BCAS1: variants seen among roughly 807,000 people sequenced by gnomAD.
BCAS1 encodes the protein breast carcinoma-amplified sequence 1.
In BCAS1, 46 loss-of-function variants were observed where a neutral mutation model predicts 65.4. The ratio of observed to expected loss-of-function variants is 0.70; its 90% confidence interval spans 0.55 to 0.90. The LOEUF (loss-of-function observed/expected upper bound fraction) is 0.90. Ranked by LOEUF, BCAS1 falls within the 40% of genes least tolerant of loss-of-function variation. The probability of loss-of-function intolerance (pLI) is 0.00; values close to 1 mark genes in which losing one functional copy is unlikely to be tolerated. For synonymous variants in BCAS1, 298 were observed against 293.5 expected (o/e 1.02, Z -0.16); for missense variants, 793 against 771.2 (o/e 1.03, Z -0.33).
intron 4 of BCAS1, among the ~76,000 whole-genome samples, chr20:53,996,495 G>T (rs1036159777): frequency 6.6e-5 from 9 of 137,018 alleles, no homozygotes; most frequent in South Asian, 2.4e-4. Flanking sequence ...AAAAGAAAAA[G>T]AAAAAGTACT....
At chr20:53,945,405 T>C (rs1041523303) in intron 12 of BCAS1, among the ~76,000 whole-genome samples, 4 of 87,932 alleles carry the variant, frequency 4.5e-5, no homozygotes, top group Non-Finnish European at 1.0e-4. Context: ...TATTTTCTTC[T>C]TTTTTTTTTA....
chr20:54,035,803 C>T (rs6068757), intron 3 of BCAS1, among the ~76,000 whole-genome samples: 1 of 151,194 alleles, frequency 6.6e-6, no homozygotes, highest in Non-Finnish European at 1.5e-5. Context: ...TGGAATCAAC[C>T]TAAATACCCA....
At chr20:54,026,234 G>T (rs2091669855) in intron 4 of BCAS1, among the ~76,000 whole-genome samples, 1 of 152,142 alleles carries the variant, frequency 6.6e-6, no homozygotes, top group Non-Finnish European at 1.5e-5. Flanking sequence ...TGCTATATTA[G>T]ATACCTGCCA....
At chr20:54,056,601 A>AT (rs369440236) in intron 3 of BCAS1, among the ~76,000 whole-genome samples, 38 of 151,856 alleles carry the variant, frequency 2.5e-4, no homozygotes, top group East Asian at 1.5e-3. Context: ...TAAAGCTATG[A>AT]TTTTTTTTTA....
intron 3 of BCAS1, among the ~76,000 whole-genome samples, chr20:54,039,102 A>T (rs1454262855): frequency 1.3e-5 from 2 of 151,572 alleles, no homozygotes; most frequent in South Asian, 4.2e-4. Flanking sequence ...TTCAATGGTC[A>T]TGCTGCAAGA....
At chr20:53,983,623 G>A (rs2090537957) in intron 8 of BCAS1, among the ~76,000 whole-genome samples, 1 of 152,200 alleles carries the variant, frequency 6.6e-6, no homozygotes, top group Non-Finnish European at 1.5e-5. Context: ...CACCTGTCAT[G>A]CCTTCAGCTT....
At chr20:53,958,227 A>T (rs961230661) in intron 10 of BCAS1, among the ~76,000 whole-genome samples, 13 of 152,216 alleles carry the variant, frequency 8.5e-5, no homozygotes, top group African/African-American at 3.1e-4. Flanking sequence ...CGCTCTCAGC[A>T]AGTTGGCCAT....
At chr20:54,059,466 C>G (rs1268518179) in intron 1 of BCAS1, among the ~76,000 whole-genome samples, 1 of 149,654 alleles carries the variant, frequency 6.7e-6, no homozygotes, top group East Asian at 2.0e-4. Flanking sequence ...ATTAATTCCC[C>G]TATTAAAACC....
chr20:53,960,469 TAAAAAAAAAAAAA>T (rs11467629), intron 10 of BCAS1, among the ~76,000 whole-genome samples: 6 of 63,090 alleles, frequency 9.5e-5, no homozygotes, highest in Non-Finnish European at 1.5e-4. Context: ...TTCAACTTCT[TAAAAAAAAAAAAA>T]AAAAAAAAAA....
At chr20:53,952,472 T>C (rs925570497) in intron 12 of BCAS1, among the ~76,000 whole-genome samples, 6 of 152,232 alleles carry the variant, frequency 3.9e-5, no homozygotes, top group Non-Finnish European at 5.9e-5. Flanking sequence ...CTATAGTCCA[T>C]GGAGTAACAC....
At chr20:54,020,338 A>G (rs2091529853) in intron 4 of BCAS1, among the ~76,000 whole-genome samples, 1 of 152,238 alleles carries the variant, frequency 6.6e-6, no homozygotes. Flanking sequence ...AATTGCAAAA[A>G]ACAATTTACT....
intron 4 of BCAS1, among the ~76,000 whole-genome samples, chr20:54,007,810 C>T (rs2091234119): frequency 6.6e-6 from 1 of 152,118 alleles, no homozygotes; most frequent in Admixed American, 6.5e-5. Flanking sequence ...TCCTGTTCCT[C>T]TCACCAAGGA....
intron 7 of BCAS1, among the ~76,000 whole-genome samples, chr20:53,991,854 A>G (rs2145820599): frequency 6.6e-6 from 1 of 152,320 alleles, no homozygotes; most frequent in Non-Finnish European, 1.5e-5. Context: ...TAGATTGTGC[A>G]GAAATATGAT....
At chr20:53,955,073 T>C (rs2089658869) in intron 11 of BCAS1, among the ~76,000 whole-genome samples, 1 of 152,252 alleles carries the variant, frequency 6.6e-6, no homozygotes, top group African/African-American at 2.4e-5. Flanking sequence ...AGTTATGTAC[T>C]GTACCCAGGT....
rs1346732202 is a variant in BCAS1, at chr20:54,058,703, T to A, written c.16A>T (p.Ser6Cys). ...TGGTCTTCAACTCTTTGGGGAACACTCATTTGGTTACCCATTGCTCCTATA... is the reference window on the plus strand; with the variant it reads ...TGGTCTTCAACTCTTTGGGGAACACACATTTGGTTACCCATTGCTCCTATA... MGNQMSVPQRVEDQEN... is the reference protein window; with the variant it reads MGNQMCVPQRVEDQEN... The change falls in exon 2 of 13, where the codon AGT becomes TGT. Residue 6 changes from serine to cysteine, a missense_variant. Ser to Cys is a moderately radical substitution (Grantham distance 112, BLOSUM62 -1). Transcript: ENST00000688948. 3.4e-5 allele frequency: 54 copies of A among 1,573,780 alleles called. No homozygotes were observed. Among genetic ancestry groups the A allele is most frequent in the Middle Eastern group, 1.7e-4 (1 of 5,856 alleles).
chr20:54,030,700 G>A (rs772875807), intron 3 of BCAS1, among the ~76,000 whole-genome samples: 1 of 151,302 alleles, frequency 6.6e-6, no homozygotes, highest in Non-Finnish European at 1.5e-5. Context: ...AAAGGGGGGA[G>A]AGTGAGCTGG....
At chr20:54,068,119 C>A (rs2092467613) in intron 1 of BCAS1, among the ~76,000 whole-genome samples, 1 of 152,206 alleles carries the variant, frequency 6.6e-6, no homozygotes, top group South Asian at 2.1e-4. Context: ...GAAATCCAGT[C>A]CTCACTGAAC....
At chr20:53,962,284 C>T (rs2089901650) in intron 10 of BCAS1, among the ~76,000 whole-genome samples, 1 of 152,190 alleles carries the variant, frequency 6.6e-6, no homozygotes, top group Admixed American at 6.5e-5. Flanking sequence ...ATTTAAAAAA[C>T]CCTCTGATTT....
rs536908447 is a variant in BCAS1, at chr20:53,984,188, T to A, written c.1275+1099A>T. On this transcript the variant is annotated intron_variant, in intron 8 of 12. Coordinates refer to ENST00000688948, the MANE Select transcript of BCAS1 (RefSeq NM_001366298.2). ...CTAAAATTATTCAGATATGGGCCAC[T>A]TAAGTCTTCTCTCTTGTCTCCAATA... is the stretch of plus-strand genomic sequence containing the variant. Among the ~76,000 whole-genome samples the A allele has an allele frequency of 8.7e-4, 132 of 152,350 alleles. 1 individual carries two copies. The highest frequency in any genetic ancestry group is 3.1e-3 in the African/African-American group (130 of 41,592).
Sources: gnomAD v4.1 joint callset for allele counts (sites outside exome capture counted in the v4.1 genomes callset) on GRCh38, gnomAD v4.1.1 for gene constraint, MANE v1.5 for transcripts, NCBI Gene and HGNC (gene_info 2026-07-23, HGNC 2026-07-21) for gene names.